WDR17: variants seen among roughly 807,000 people sequenced by gnomAD.
WDR17 encodes the protein WD repeat domain 17.
In WDR17, 143 loss-of-function variants were observed where a neutral mutation model predicts 161.7. The observed-to-expected ratio is 0.88, with a 90% CI of 0.77 to 1.02. The LOEUF (loss-of-function observed/expected upper bound fraction) is 1.02. Among genes scored for constraint, WDR17 ranks in the 50% least tolerant of loss-of-function variants. WDR17 has a pLI of 0.00. For synonymous variants in WDR17, 517 were observed against 515.6 expected, an observed-to-expected ratio of 1.00 and a Z score of -0.04; for missense variants, 1,469 against 1,520.9, an observed-to-expected ratio of 0.97 and a Z score of 0.57.
chr4:176,179,603 ATTT>A lies in WDR17; in HGVS notation c.*33_*35del. 1 of 1,282,520 alleles carries A rather than the reference ATTT, an allele frequency of 7.8e-7. No homozygotes were observed. Among genetic ancestry groups the A allele is most frequent in the South Asian group, 1.6e-5 (1 of 63,758 alleles). The allele number at this position is 1,282,520 out of a possible 1,614,324, so 79.4% of individuals were successfully genotyped here. A position where few individuals can be genotyped will look rare whatever the true frequency, so the allele number is the denominator to read the frequency against. ...GATAGAAGATTTTTGTCCATGCTTG[ATTT>A]TTTTTTTTAAAGAAAAACTTTCATG... On this transcript the variant is annotated 3_prime_UTR_variant, in exon 29 of 29. Transcript: ENST00000508596.
At chr4:176,108,550 G>A (rs1739184906) in intron 1 of WDR17, among the ~76,000 whole-genome samples, 1 of 152,022 alleles carries the variant, frequency 6.6e-6, no homozygotes, top group Non-Finnish European at 1.5e-5. Context: ...TCAAGAATGA[G>A]CTCTAATGTA....
At position 176,128,867 on chromosome 4, in the gene WDR17, A is replaced by G. The variant is rs765409740; in HGVS notation, c.913+7A>G. The G allele has an allele frequency of 2.6e-6, 4 of 1,557,144 alleles. No individual in the cohort carries two copies. In the African/African-American group the frequency reaches 4.2e-5, roughly 16 times the overall value. The stretch of plus-strand genomic sequence containing the variant: ...TCTCCTCCAAGAAAAAAGTGTAAGT[A>G]AAAATGTTATCAAAATTTTAATTTT... On this transcript the variant is annotated splice_region_variant and intron_variant, in intron 6 of 28. Transcript: ENST00000508596.
intron 1 of WDR17, among the ~76,000 whole-genome samples, chr4:176,092,558 T>A (rs958409670): frequency 2.0e-5 from 3 of 152,112 alleles, no homozygotes; most frequent in African/African-American, 7.2e-5. Context: ...GAGAAAGGGA[T>A]AAACGGCATC....
At chr4:176,104,034 C>T (rs148570935) in intron 1 of WDR17, among the ~76,000 whole-genome samples, 1 of 152,032 alleles carries the variant, frequency 6.6e-6, no homozygotes, top group Non-Finnish European at 1.5e-5. Context: ...TTAACACATA[C>T]ATACAGGGAT....
chr4:176,108,814 G>A (rs1167580577), intron 1 of WDR17, among the ~76,000 whole-genome samples: 1 of 152,052 alleles, frequency 6.6e-6, no homozygotes, highest in Non-Finnish European at 1.5e-5. Flanking sequence ...TTATTTATTT[G>A]AGACTTGCTG....
intron 3 of WDR17, among the ~76,000 whole-genome samples, chr4:176,118,218 T>C (rs1740944023): frequency 6.6e-6 from 1 of 152,232 alleles, no homozygotes; most frequent in Non-Finnish European, 1.5e-5. Flanking sequence ...CATAAGTCAC[T>C]ATAAAAGTGT....
intron 10 of WDR17, among the ~76,000 whole-genome samples, chr4:176,141,266 G>A (rs921181600): frequency 1.3e-5 from 2 of 152,058 alleles, no homozygotes; most frequent in African/African-American, 4.8e-5. Flanking sequence ...ATAACTTAAT[G>A]TCTTGGTTTT....
At position 176,133,188 on chromosome 4, in the gene WDR17, T is replaced by TTA. The variant is rs1188916106; in HGVS notation, c.1098+1451_1098+1452insAT. The stretch of plus-strand genomic sequence containing the variant: ...AAAAAACAATTTTTTATTTTTATTT[T>TTA]TTTTTTTTTACCACTTCACTATTTA... On this transcript the variant is annotated intron_variant, in intron 7 of 28. Coordinates refer to ENST00000508596, the MANE Select transcript of WDR17 (RefSeq NM_181265.4). 6.9e-5 allele frequency among the ~76,000 whole-genome samples: 10 copies of TTA among 145,774 alleles called. 1 individual carries two copies. The highest frequency in any genetic ancestry group is 2.5e-4 in the African/African-American group (10 of 39,644).
rs1012072213 is a variant in WDR17 at position 176,139,984 on chromosome 4, A to G, written c.1442+10A>G. On this transcript the variant is annotated intron_variant, in intron 10 of 28. Transcript: ENST00000508596. ...GCAGTGATGGTTTCTGGTAAGTACT[A>G]TGTATGATACATGATATGAAATTAC... is the stretch of plus-strand genomic sequence containing the variant. 2.5e-6 allele frequency: 4 copies of G among 1,595,310 alleles called. No individual in the cohort carries two copies. Among genetic ancestry groups the G allele is most frequent in the Non-Finnish European group, 3.4e-6 (4 of 1,165,908 alleles).
intron 4 of WDR17, among the ~76,000 whole-genome samples, chr4:176,121,648 C>T (rs1561132333): frequency 6.6e-6 from 1 of 152,118 alleles, no homozygotes; most frequent in Non-Finnish European, 1.5e-5. Flanking sequence ...TTATCATTGA[C>T]TGAGGTTATC....
In WDR17 at chr4:176,160,089, C is replaced by G; in HGVS notation, c.2621C>G (p.Ser874Ter). 2 of 1,613,842 alleles carry G rather than the reference C, an allele frequency of 1.2e-6. No homozygotes were observed. The highest frequency in any genetic ancestry group is 1.7e-6 in the Non-Finnish European group (2 of 1,179,870). ...DVKKLVHFFMSRGQLKEALLV... is the reference protein window; with the variant it reads ...DVKKLVHFFM ...AAAAAGCTAGTCCATTTTTTCATGT[C>G]AAGAGGTCAGCTTAAAGAAGCTCTG... The change falls in exon 19 of 29, where the codon TCA (serine) becomes TGA (stop). Residue 874 changes from serine to a stop codon, truncating the protein, a stop_gained. Transcript: ENST00000508596. LOFTEE classifies it high-confidence loss of function.
intron 5 of WDR17, 152 bp from the exon 6 acceptor site, chr4:176,128,586 T>C (rs1204636584): frequency 4.3e-6 from 3 of 697,300 alleles, no homozygotes; most frequent in South Asian, 2.3e-5. Flanking sequence ...TTTCGGTTGT[T>C]AGGTTGTATT....
chr4:176,135,090 T>G lies in WDR17; in HGVS notation c.1099-18T>G, dbSNP rs1183751381. 3 of 1,608,634 alleles carry G rather than the reference T, an allele frequency of 1.9e-6. No homozygotes were observed. Among genetic ancestry groups the G allele is most frequent in the Non-Finnish European group, 2.5e-6 (3 of 1,177,032 alleles). ...AATTTTCCTCAATAATTATGACTTT[T>G]TTATGCCATATTCCTAGGGACATGT... On this transcript the variant is annotated intron_variant, in intron 7 of 28. Coordinates refer to ENST00000508596, the MANE Select transcript of WDR17 (RefSeq NM_181265.4).
At chr4:176,140,627 T>C (rs1745105312) in intron 10 of WDR17, among the ~76,000 whole-genome samples, 1 of 152,172 alleles carries the variant, frequency 6.6e-6, no homozygotes, top group Non-Finnish European at 1.5e-5. Flanking sequence ...GGTATAGCCA[T>C]CTTCGATAGG....
intron 1 of WDR17, among the ~76,000 whole-genome samples, chr4:176,076,966 G>A (rs1734126314): frequency 6.6e-6 from 1 of 151,992 alleles, no homozygotes; most frequent in Non-Finnish European, 1.5e-5. Flanking sequence ...GCATTGTCTA[G>A]CAGACTTTCT....
chr4:176,160,861 A>C lies in WDR17; in HGVS notation c.2659-50A>C. The C allele has an allele frequency of 2.1e-6, 3 of 1,425,460 alleles. No individual in the cohort carries two copies. The African/African-American group carries it at 4.3e-5, about 20-fold the overall frequency. 88.3% of individuals were successfully genotyped at this position (1,425,460 alleles called of 1,614,324 possible). A position where few individuals can be genotyped will look rare whatever the true frequency, so the allele number is the denominator to read the frequency against. Reference sequence around the variant, plus strand: ...TCAAAATCATATTCTGAAATGTGTCAATTATCAACAATTAGCTAAAGAATA... The same window carrying C: ...TCAAAATCATATTCTGAAATGTGTCCATTATCAACAATTAGCTAAAGAATA... On this transcript the variant is annotated intron_variant, in intron 19 of 28. Coordinates refer to ENST00000508596, the MANE Select transcript of WDR17 (RefSeq NM_181265.4).
intron 4 of WDR17, among the ~76,000 whole-genome samples, chr4:176,120,320 A>ATATATATATATATATATAT (rs1561130343): frequency 2.2e-5 from 3 of 138,624 alleles, no homozygotes; most frequent in African/African-American, 8.0e-5. Context: ...ATATATATAT[A>ATATATATATATATATATAT]ATACATTCAA....
chr4:176,164,471 G>A (rs1749477358), intron 22 of WDR17, among the ~76,000 whole-genome samples: 1 of 152,092 alleles, frequency 6.6e-6, no homozygotes, highest in East Asian at 1.9e-4. Context: ...TTACCTTCAG[G>A]CTGTGTGGAT....
intron 1 of WDR17, among the ~76,000 whole-genome samples, chr4:176,078,216 A>AT (rs1734297017): frequency 6.6e-6 from 1 of 152,048 alleles, no homozygotes. Flanking sequence ...TTTGACTATT[A>AT]TAAATAAATG....
Sources: allele counts gnomAD v4.1 joint callset (sites outside exome capture counted in the v4.1 genomes callset), GRCh38; gene constraint gnomAD v4.1.1; transcripts MANE v1.5; gene names NCBI Gene and HGNC (gene_info 2026-07-23, HGNC 2026-07-21).